The following SHANK2 variants were observed in gnomAD, a reference collection of about 807,000 sequenced individuals.
SHANK2 encodes SH3 and multiple ankyrin repeat domains 2, also known as SH3 and multiple ankyrin repeat domains protein 2.
In SHANK2, 43 loss-of-function variants were observed where a neutral mutation model predicts 133.7. The observed-to-expected ratio is 0.32, with a 90% CI of 0.25 to 0.41. The LOEUF (loss-of-function observed/expected upper bound fraction) is 0.41, where lower values mean the gene tolerates loss of function less well. Ranked by LOEUF, SHANK2 falls within the 10% of genes least tolerant of loss-of-function variation. The pLI is 1.00. For synonymous variants in SHANK2, 1,017 were observed against 952.8 expected, an observed-to-expected ratio of 1.07 and a Z score of -1.24; for missense variants, 1,994 against 2,235.8, an observed-to-expected ratio of 0.89 and a Z score of 2.18.
At chr11:70,587,096 C>T (rs1222180512) in intron 17 of SHANK2, among the ~76,000 whole-genome samples, 2 of 152,232 alleles carry the variant, frequency 1.3e-5, no homozygotes, top group Non-Finnish European at 2.9e-5. Context: ...AGCCCACTCC[C>T]TTTGCTGAGG....
At chr11:70,864,610 C>T (rs1483196492) in intron 11 of SHANK2, 1 of 152,238 alleles carries the variant, frequency 6.6e-6, no homozygotes, top group African/African-American at 2.4e-5. Context: ...TGTGCCAACC[C>T]CCCAAATTCA....
intron 14 of SHANK2, among the ~76,000 whole-genome samples, chr11:70,727,749 C>T (rs1003680306): frequency 5.3e-5 from 8 of 152,300 alleles, no homozygotes; most frequent in East Asian, 1.9e-4. Context: ...CCCAAGGTCC[C>T]GGGTTGGGGG....
At chr11:70,512,258 T>G (rs1332773510) in intron 17 of SHANK2, among the ~76,000 whole-genome samples, 2 of 152,196 alleles carry the variant, frequency 1.3e-5, no homozygotes, top group East Asian at 1.9e-4. Context: ...CAAGAATGTT[T>G]CCAGATACTG....
intron 11 of SHANK2, among the ~76,000 whole-genome samples, chr11:70,874,055 T>G (rs113006541): frequency 6.8e-4 from 103 of 152,286 alleles, no homozygotes; most frequent in African/African-American, 2.3e-3. Context: ...TAGCCATCTA[T>G]CCATCTACCT....
intron 17 of SHANK2, chr11:70,604,465 G>A (rs1467792098): frequency 4.6e-5 from 7 of 152,590 alleles, no homozygotes; most frequent in Admixed American, 4.6e-4. Flanking sequence ...GCCTGGGAGA[G>A]GTGGTGCTGG....
intron 9 of SHANK2, among the ~76,000 whole-genome samples, chr11:71,068,963 A>C (rs1025148500): frequency 6.6e-6 from 1 of 151,306 alleles, no homozygotes; most frequent in Non-Finnish European, 1.5e-5. Context: ...TATCACCATG[A>C]CCACCCTCAC....
At chr11:70,490,474 C>G (rs1332225339) in intron 22 of SHANK2, 87 bp from the exon 23 acceptor site, 2 of 1,135,314 alleles carry the variant, frequency 1.8e-6, no homozygotes, top group South Asian at 1.2e-5. Context: ...AGGGAACTTC[C>G]GTCACTGTGG....
Position 71,125,139 on chromosome 11 carries a change from G to A in SHANK2, c.208-6107C>T, listed in dbSNP as rs541045090. Among the ~76,000 whole-genome samples, 18 of 152,136 alleles carry A rather than the reference G, an allele frequency of 1.2e-4. 1 individual carries two copies. The highest frequency in any genetic ancestry group is 1.0e-3 in the Admixed American group (16 of 15,282). ...CTCTCCTTGGGCCTCCCTATGCCCCGAGACACAATAATATTGAAATTAGGT... is the reference window on the plus strand; with the variant it reads ...CTCTCCTTGGGCCTCCCTATGCCCCAAGACACAATAATATTGAAATTAGGT... On this transcript the variant is annotated intron_variant, in intron 3 of 25. Coordinates refer to ENST00000601538, the MANE Select transcript of SHANK2 (RefSeq NM_012309.5).
chr11:71,061,631 C>T (rs1053161904), intron 9 of SHANK2, among the ~76,000 whole-genome samples: 4 of 152,266 alleles, frequency 2.6e-5, no homozygotes, highest in Admixed American at 2.0e-4. Context: ...TGGAAAGTAA[C>T]CCCTGATCCC....
intron 17 of SHANK2, among the ~76,000 whole-genome samples, chr11:70,620,672 G>C (rs2060817838): frequency 6.6e-6 from 1 of 152,202 alleles, no homozygotes; most frequent in South Asian, 2.1e-4. Context: ...TTTGGAGACA[G>C]GGCCTTTATT....
intron 14 of SHANK2, among the ~76,000 whole-genome samples, chr11:70,757,483 G>C (rs1436015393): frequency 6.6e-6 from 1 of 152,248 alleles, no homozygotes; most frequent in Admixed American, 6.5e-5. Flanking sequence ...CCCATGGCGT[G>C]TTGAGCCAAC....
At chr11:70,955,421 G>GT (rs1950904753) in intron 10 of SHANK2, among the ~76,000 whole-genome samples, 57 of 80,402 alleles carry the variant, frequency 7.1e-4, no homozygotes, top group Middle Eastern at 5.3e-3. Flanking sequence ...CAGACCCACG[G>GT]GGTGTGTGTG....
intron 2 of SHANK2, among the ~76,000 whole-genome samples, chr11:71,219,657 G>C (rs1954494811): frequency 6.6e-6 from 1 of 152,104 alleles, no homozygotes. Context: ...TTGGGAGGCT[G>C]AGGTGGGCAG....
intron 12 of SHANK2, among the ~76,000 whole-genome samples, chr11:70,816,030 T>A (rs564120429): frequency 1.3e-5 from 2 of 152,226 alleles, no homozygotes; most frequent in South Asian, 4.2e-4. Flanking sequence ...CAATAACACC[T>A]GATACCCTGT....
chr11:70,833,429 G>A (rs886081326), intron 11 of SHANK2, among the ~76,000 whole-genome samples: 6 of 152,238 alleles, frequency 3.9e-5, no homozygotes, highest in South Asian at 2.1e-4. Context: ...GGTAGAGCCC[G>A]TGAGGCTGGG....
intron 6 of SHANK2, among the ~76,000 whole-genome samples, chr11:71,109,185 T>A (rs1287913629): frequency 2.0e-5 from 3 of 152,096 alleles, no homozygotes; most frequent in African/African-American, 7.2e-5. Context: ...CTGCTTTGCA[T>A]GGAGACCCTC....
chr11:70,713,969 A>G (rs1370714589), intron 14 of SHANK2, among the ~76,000 whole-genome samples: 3 of 152,162 alleles, frequency 2.0e-5, no homozygotes, highest in Non-Finnish European at 4.4e-5. Context: ...TCTTCCTTCC[A>G]ACAAACTGCT....
At chr11:71,200,778 G>C (rs906919874) in intron 2 of SHANK2, among the ~76,000 whole-genome samples, 2 of 151,298 alleles carry the variant, frequency 1.3e-5, no homozygotes, top group Admixed American at 6.6e-5. Flanking sequence ...ACCATGGTCA[G>C]ATGTGTTTGT....
chr11:70,685,242 C>G (rs1945118868), intron 15 of SHANK2, among the ~76,000 whole-genome samples: 1 of 152,200 alleles, frequency 6.6e-6, no homozygotes, highest in Non-Finnish European at 1.5e-5. Context: ...CTCTTCCAAT[C>G]TGCTTTTGAA....
Sources: allele counts gnomAD v4.1 joint callset (sites outside exome capture counted in the v4.1 genomes callset), GRCh38; gene constraint gnomAD v4.1.1; transcripts MANE v1.5; gene names NCBI Gene and HGNC (gene_info 2026-07-23, HGNC 2026-07-21).